The following TRMT1L variants were observed in gnomAD, a reference collection of about 807,000 sequenced individuals.
TRMT1L encodes the protein tRNA methyltransferase 1L, also known as tRNA (guanine(27)-N(2))-dimethyltransferase.
A neutral mutation model predicts 81.6 loss-of-function variants in TRMT1L; 28 were observed. That is an observed-to-expected ratio of 0.34 (90% CI 0.25 to 0.47). The LOEUF (loss-of-function observed/expected upper bound fraction) is 0.47. Ranked by LOEUF, TRMT1L falls within the 20% of genes least tolerant of loss-of-function variation. The probability of loss-of-function intolerance (pLI) is 1.00; values close to 1 mark genes in which losing one functional copy is unlikely to be tolerated. For missense variants in TRMT1L, 739 were observed against 877.1 expected (o/e 0.84, Z 1.99); for synonymous variants, 301 against 303.2 (o/e 0.99, Z 0.07).
intron 10 of TRMT1L, among the ~76,000 whole-genome samples, chr1:185,129,676 G>A (rs1652721702): frequency 6.6e-6 from 1 of 152,158 alleles, no homozygotes; most frequent in Non-Finnish European, 1.5e-5. Flanking sequence ...ATAGCCTCTT[G>A]CTAGCTGATA....
chr1:185,139,019 C>A (rs1652970510), intron 9 of TRMT1L, among the ~76,000 whole-genome samples: 1 of 152,048 alleles, frequency 6.6e-6, no homozygotes, highest in African/African-American at 2.4e-5. Context: ...TCATCCTGGG[C>A]AACATGGTGA....
At position 185,119,216 on chromosome 1, in the gene TRMT1L, T is replaced by C. The variant is rs946284892; in HGVS notation, c.*803A>G. On this transcript the variant is annotated 3_prime_UTR_variant, in exon 15 of 15. Transcript: ENST00000367506. ...GGTGACAAATTTTACTTCTGAGAGG[T>C]AGTACAACCAACCAAATGAATACTG... The C allele has an allele frequency of 7.9e-5, 12 of 151,918 alleles. No homozygotes were observed. The highest frequency in any genetic ancestry group is 2.6e-4 in the Admixed American group (4 of 15,232). 9.4% of individuals were successfully genotyped at this position (151,918 alleles called of 1,614,324 possible).
chr1:185,151,959 T>C (rs779049177), intron 1 of TRMT1L, 24 bp from the exon 2 acceptor site: 1 of 1,456,454 alleles, frequency 6.9e-7, no homozygotes, highest in South Asian at 1.2e-5. Context: ...TTGAGAAGAT[T>C]ATGCTTTAAC....
chr1:185,134,300 C>CT (rs1652843853), intron 10 of TRMT1L, among the ~76,000 whole-genome samples: 1 of 151,972 alleles, frequency 6.6e-6, no homozygotes, highest in African/African-American at 2.4e-5. Context: ...ATTCTCCTGT[C>CT]TCAGCCTCAG....
chr1:185,137,657 A>G lies in TRMT1L; in HGVS notation c.1462T>C (p.Cys488Arg). The change falls in exon 10 of 15, where the codon TGT (cysteine) becomes CGT (arginine). Residue 488 changes from cysteine to arginine, a missense_variant. Physicochemically the swap from Cys to Arg is radical, Grantham distance 180. Coordinates refer to ENST00000367506, the MANE Select transcript of TRMT1L (RefSeq NM_030934.5). ...TAKKIQYLIHCQWCEERIFQK... is the reference protein window; with the variant it reads ...TAKKIQYLIHRQWCEERIFQK... ...AAAATTCTCTCTTCACACCACTGACAATGGATCAGGTATTGAATCTTCTTG... is the reference window on the plus strand; with the variant it reads ...AAAATTCTCTCTTCACACCACTGACGATGGATCAGGTATTGAATCTTCTTG... 6.2e-7 allele frequency: 1 copy of G among 1,614,140 alleles called. No homozygotes were observed. The highest frequency in any genetic ancestry group is 8.5e-7 in the Non-Finnish European group (1 of 1,180,012).
At chr1:185,154,869 C>G (rs1230967893) in intron 1 of TRMT1L, among the ~76,000 whole-genome samples, 1 of 152,152 alleles carries the variant, frequency 6.6e-6, no homozygotes, top group East Asian at 1.9e-4. Context: ...AGTCAACAGG[C>G]AAACTTCTTG....
At chr1:185,127,753 CTG>C (rs1355197743) in intron 11 of TRMT1L, among the ~76,000 whole-genome samples, 18 of 117,350 alleles carry the variant, frequency 1.5e-4, no homozygotes, top group Admixed American at 1.3e-3. Flanking sequence ...GAGTGAAACT[CTG>C]TCTCAAAAAA....
At position 185,125,062 on chromosome 1, in the gene TRMT1L, T is replaced by C. The variant is rs1652589196; in HGVS notation, c.1641A>G (p.Glu547=). 6.2e-7 allele frequency: 1 copy of C among 1,612,464 alleles called. No individual in the cohort carries two copies. The highest frequency in any genetic ancestry group is 1.3e-5 in the African/African-American group (1 of 74,982). The change falls in exon 12 of 15, where the codon GAA becomes GAG. Residue 547 remains glutamate (E), a synonymous_variant. Coordinates refer to ENST00000367506, the MANE Select transcript of TRMT1L (RefSeq NM_030934.5). ...NTGFLKRMLF[E]SLHHGLDDIQ... ...TGTCATCCAAACCATGGTGAAGAGA[T>C]TCAAATAGCATTCTTTTGAGGAATC...
chr1:185,149,253 C>T (rs1374745897), intron 3 of TRMT1L, among the ~76,000 whole-genome samples: 1 of 151,274 alleles, frequency 6.6e-6, no homozygotes, highest in African/African-American at 2.4e-5. Flanking sequence ...GTAAATATTG[C>T]AATGAATATC....
At chr1:185,129,578 T>C (rs1380190391) in intron 10 of TRMT1L, among the ~76,000 whole-genome samples, 1 of 152,226 alleles carries the variant, frequency 6.6e-6, no homozygotes, top group Non-Finnish European at 1.5e-5. Context: ...ATTCCTGGGT[T>C]ATCATTCACT....
In TRMT1L at chr1:185,119,908, GTTT is replaced by G. The variant is rs1291537971; in HGVS notation, c.*108_*110del. On this transcript the variant is annotated 3_prime_UTR_variant, in exon 15 of 15. Coordinates refer to ENST00000367506, the MANE Select transcript of TRMT1L (RefSeq NM_030934.5). ...TCAGTTTCTGAATGAAAATGACACT[GTTT>G]TTTATTTTTACTCTACTGAATTGAA... is the stretch of plus-strand genomic sequence containing the variant. 1.4e-5 allele frequency: 18 copies of G among 1,264,316 alleles called. No homozygotes were observed. The highest frequency in any genetic ancestry group is 1.7e-5 in the Non-Finnish European group (16 of 944,914). The allele number at this position is 1,264,316 out of a possible 1,614,324, so 78.3% of individuals were successfully genotyped here. A position where few individuals can be genotyped will look rare whatever the true frequency, so the allele number is the denominator to read the frequency against.
rs951652246 is a variant in TRMT1L at position 185,132,687 on chromosome 1, A to G, written c.1514-3940T>C. Reference sequence around the variant, plus strand: ...ATATTTTAAGAGCATTCAGAGAGAAAATAATATAACACTACACAAGAAAAG... The same window carrying G: ...ATATTTTAAGAGCATTCAGAGAGAAGATAATATAACACTACACAAGAAAAG... On this transcript the variant is annotated intron_variant, in intron 10 of 14. Transcript: ENST00000367506. Among the ~76,000 whole-genome samples the G allele has an allele frequency of 4.9e-5, 6 of 123,684 alleles. No individual in the cohort carries two copies. In the Admixed American group the frequency reaches 5.0e-4, roughly 10 times the overall value. The allele number at this position is 123,684 out of a possible 152,430, so 81.1% of individuals were successfully genotyped here.
intron 3 of TRMT1L, among the ~76,000 whole-genome samples, chr1:185,149,912 C>T (rs915137582): frequency 6.6e-6 from 1 of 151,934 alleles, no homozygotes; most frequent in African/African-American, 2.4e-5. Context: ...TAGAAAATGG[C>T]TATGATTTCT....
intron 3 of TRMT1L, among the ~76,000 whole-genome samples, chr1:185,149,351 C>A (rs1653278702): frequency 6.7e-6 from 1 of 149,600 alleles, no homozygotes. Context: ...GTTGCCCAGG[C>A]TGGAATACAG....
At chr1:185,142,583 C>G (rs1161015937) in intron 7 of TRMT1L, among the ~76,000 whole-genome samples, 1 of 150,198 alleles carries the variant, frequency 6.7e-6, no homozygotes, top group Non-Finnish European at 1.5e-5. Context: ...CAATGATCAT[C>G]ACAACACAAA....
intron 10 of TRMT1L, among the ~76,000 whole-genome samples, chr1:185,135,405 G>C (rs971393785): frequency 7.0e-6 from 1 of 142,188 alleles, no homozygotes; most frequent in African/African-American, 2.6e-5. Context: ...GACAGAATGA[G>C]ACTCCGTCTC....
At chr1:185,130,337 C>T (rs1050045754) in intron 10 of TRMT1L, among the ~76,000 whole-genome samples, 6 of 151,910 alleles carry the variant, frequency 3.9e-5, no homozygotes, top group East Asian at 2.0e-4. Flanking sequence ...TGTCTCTTAA[C>T]GCTTAAATGA....
At chr1:185,143,517 GA>G in intron 6 of TRMT1L, 81 bp from the exon 7 acceptor site, 1 of 1,257,356 alleles carries the variant, frequency 8.0e-7, no homozygotes, top group Admixed American at 2.1e-5. Flanking sequence ...ATAGTGAACT[GA>G]AGTTCCTAGT....
intron 10 of TRMT1L, among the ~76,000 whole-genome samples, chr1:185,135,888 T>A (rs1571348319): frequency 6.6e-6 from 1 of 151,754 alleles, no homozygotes; most frequent in African/African-American, 2.4e-5. Flanking sequence ...AACCTGACAA[T>A]AGTTTATTCT....
Sources: allele counts gnomAD v4.1 joint callset (sites outside exome capture counted in the v4.1 genomes callset), GRCh38; gene constraint gnomAD v4.1.1; transcripts MANE v1.5; gene names NCBI Gene and HGNC (gene_info 2026-07-23, HGNC 2026-07-21).